Variants in GRID2 observed in about 807,000 individuals in gnomAD.
The protein encoded by GRID2 is glutamate ionotropic receptor delta type subunit 2.
GRID2 carries 33 observed loss-of-function variants against 114.8 expected under a neutral mutation model. That is an observed-to-expected ratio of 0.29 (90% confidence interval 0.22 to 0.38). The LOEUF is 0.38. Ranked by LOEUF, GRID2 falls within the 10% of genes least tolerant of loss-of-function variation. The pLI, the probability that GRID2 is intolerant of heterozygous loss-of-function variation, is 1.00. For synonymous variants in GRID2, 505 were observed against 449.9 expected (o/e 1.12, Z -1.55); for missense variants, 1,184 against 1,257.7 (o/e 0.94, Z 0.89).
chr4:93,244,116 T>A (rs949569385), intron 8 of GRID2, among the ~76,000 whole-genome samples: 1 of 152,058 alleles, frequency 6.6e-6, no homozygotes, highest in Non-Finnish European at 1.5e-5. Context: ...ATTTGTCTCA[T>A]TTTTGTTAAG....
chr4:92,448,105 G>A (rs1188707935), intron 1 of GRID2, among the ~76,000 whole-genome samples: 1 of 151,968 alleles, frequency 6.6e-6, no homozygotes, highest in Non-Finnish European at 1.5e-5. Flanking sequence ...AAGCTTTTCT[G>A]TAGAGTAGTA....
At chr4:92,681,825 T>G (rs1733664309) in intron 2 of GRID2, among the ~76,000 whole-genome samples, 1 of 152,006 alleles carries the variant, frequency 6.6e-6, no homozygotes, top group Admixed American at 6.6e-5. Context: ...ATATTCAGAA[T>G]GTGGAAGATG....
chr4:93,795,958 G>A (rs774676823), intron 1 of GRID2, among the ~76,000 whole-genome samples: 11 of 152,174 alleles, frequency 7.2e-5, no homozygotes, highest in Admixed American at 2.0e-4. Context: ...TGGCTGAGCC[G>A]CCTTTCTGGA....
chr4:92,996,527 A>T (rs1396405528), intron 2 of GRID2, among the ~76,000 whole-genome samples: 2 of 152,108 alleles, frequency 1.3e-5, no homozygotes, highest in African/African-American at 4.8e-5. Context: ...GTCAACCTTA[A>T]CACTACAGTG....
intron 1 of GRID2, among the ~76,000 whole-genome samples, chr4:92,580,338 GA>G (rs869099406): frequency 5.8e-4 from 84 of 145,218 alleles, no homozygotes; most frequent in African/African-American, 1.9e-3. Flanking sequence ...TAAAGAAGAA[GA>G]AAAAAATTAC....
chr4:93,012,696 A>C (rs2149234033), intron 2 of GRID2, among the ~76,000 whole-genome samples: 1 of 152,152 alleles, frequency 6.6e-6, no homozygotes, highest in Admixed American at 6.6e-5. Context: ...CTGTGCTATT[A>C]AAATCTCTAC....
chr4:93,725,951 G>T (rs922577242), intron 14 of GRID2, among the ~76,000 whole-genome samples: 1 of 152,110 alleles, frequency 6.6e-6, no homozygotes, highest in Non-Finnish European at 1.5e-5. Context: ...CACTCTGATG[G>T]TAGTTTCTTT....
intron 4 of GRID2, among the ~76,000 whole-genome samples, chr4:93,196,861 G>A (rs1466501061): frequency 6.6e-6 from 1 of 152,114 alleles, no homozygotes; most frequent in Non-Finnish European, 1.5e-5. Context: ...CTCTGGTTAA[G>A]TGTCAGGTGC....
At chr4:93,099,069 C>T (rs1731478147) in intron 3 of GRID2, among the ~76,000 whole-genome samples, 1 of 144,814 alleles carries the variant, frequency 6.9e-6, no homozygotes. Flanking sequence ...TCAAATACTA[C>T]ATGTTGTTTG....
intron 8 of GRID2, among the ~76,000 whole-genome samples, chr4:93,347,936 G>T (rs1209435446): frequency 6.6e-6 from 1 of 152,190 alleles, no homozygotes; most frequent in African/African-American, 2.4e-5. Context: ...TAATATCTGT[G>T]TCTCTAAAAT....
At chr4:92,871,790 A>G (rs1254526004) in intron 2 of GRID2, among the ~76,000 whole-genome samples, 13 of 152,172 alleles carry the variant, frequency 8.5e-5, no homozygotes, top group Admixed American at 6.5e-4. Context: ...TTGGCTCCAT[A>G]CTGTGAAAGA....
chr4:92,853,383 T>G (rs1003488800), intron 2 of GRID2, among the ~76,000 whole-genome samples: 10 of 152,160 alleles, frequency 6.6e-5, no homozygotes, highest in African/African-American at 2.4e-4. Flanking sequence ...GGTATTTCCT[T>G]TGTATGAAGA....
intron 2 of GRID2, chr4:92,884,850 A>T: frequency 2.6e-6 from 1 of 385,854 alleles, no homozygotes; most frequent in Non-Finnish European, 5.3e-6. Flanking sequence ...AGAATTACTA[A>T]GTATGTCCAT....
intron 2 of GRID2, among the ~76,000 whole-genome samples, chr4:92,784,143 G>A (rs1408140605): frequency 6.6e-6 from 1 of 151,838 alleles, no homozygotes; most frequent in African/African-American, 2.4e-5. Context: ...TTTTAATTAT[G>A]TAGATTTGGA....
At chr4:93,299,659 C>A (rs1754664266) in intron 8 of GRID2, among the ~76,000 whole-genome samples, 1 of 151,756 alleles carries the variant, frequency 6.6e-6, no homozygotes, top group Non-Finnish European at 1.5e-5. Flanking sequence ...ATGTAACAAA[C>A]CTGTACGTTG....
intron 2 of GRID2, among the ~76,000 whole-genome samples, chr4:92,978,751 G>T (rs1397993551): frequency 6.6e-6 from 1 of 152,054 alleles, no homozygotes; most frequent in Non-Finnish European, 1.5e-5. Flanking sequence ...TATATCTAAG[G>T]CTGTGTACAG....
Position 93,481,353 on chromosome 4 carries a change from G to T in GRID2, c.1859-9286G>T, listed in dbSNP as rs183535623. The stretch of plus-strand genomic sequence containing the variant: ...GTTCAAATTTCTTATCAATGCATGA[G>T]ATATCTTATATGGCAGAAGATTTAA... On this transcript the variant is annotated intron_variant, in intron 11 of 15. Transcript: ENST00000282020. 7.6e-4 allele frequency among the ~76,000 whole-genome samples: 115 copies of T among 152,176 alleles called. 1 individual carries two copies. Among genetic ancestry groups the T allele is most frequent in the Admixed American group, 6.9e-3 (105 of 15,262 alleles).
intron 2 of GRID2, among the ~76,000 whole-genome samples, chr4:92,639,350 TACAGTTAATATAAAA>T (rs1356672227): frequency 1.3e-5 from 2 of 151,876 alleles, no homozygotes; most frequent in Non-Finnish European, 2.9e-5. Context: ...TAATATTTGC[TACAGTTAATATAAAA>T]ACAAATGAAG....
chr4:93,195,480 T>C (rs1741395452), intron 4 of GRID2, among the ~76,000 whole-genome samples: 1 of 152,178 alleles, frequency 6.6e-6, no homozygotes, highest in African/African-American at 2.4e-5. Flanking sequence ...TGAGAGTTGA[T>C]CTCCAGTGGT....
Sources: gnomAD v4.1 joint callset for allele counts (sites outside exome capture counted in the v4.1 genomes callset) on GRCh38, gnomAD v4.1.1 for gene constraint, MANE v1.5 for transcripts, NCBI Gene and HGNC (gene_info 2026-07-23, HGNC 2026-07-21) for gene names.